MGAT5: variants seen among roughly 807,000 people sequenced by gnomAD.
MGAT5 encodes alpha-1,6-mannosylglycoprotein 6-beta-N-acetylglucosaminyltransferase.
Under a neutral mutation model 94.3 loss-of-function variants are expected in MGAT5, and 30 were observed. The ratio of observed to expected loss-of-function variants is 0.32; its 90% confidence interval spans 0.24 to 0.43. The LOEUF is 0.43. Ranked by LOEUF, MGAT5 falls within the 20% of genes least tolerant of loss-of-function variation. The probability of loss-of-function intolerance (pLI) is 1.00; values close to 1 mark genes in which losing one functional copy is unlikely to be tolerated. For missense variants in MGAT5, 691 were observed against 905.5 expected, an observed-to-expected ratio of 0.76 and a Z score of 3.04; for synonymous variants, 310 against 322.9, an observed-to-expected ratio of 0.96 and a Z score of 0.43.
chr2:134,180,620 C>T (rs1029992615), intron 1 of MGAT5, among the ~76,000 whole-genome samples: 5 of 152,156 alleles, frequency 3.3e-5, no homozygotes, highest in African/African-American at 1.2e-4. Flanking sequence ...TGTTACCATA[C>T]CAAGGCTGGC....
intron 12 of MGAT5, among the ~76,000 whole-genome samples, chr2:134,420,319 G>C (rs1684224562): frequency 5.9e-5 from 9 of 152,152 alleles, no homozygotes; most frequent in Admixed American, 5.2e-4. Context: ...AAAAATGGAA[G>C]TTTTCTGAGT....
chr2:134,289,413 T>G (rs4954125), intron 2 of MGAT5, among the ~76,000 whole-genome samples: 95,642 of 152,056 alleles, frequency 0.63, 31,367 homozygotes, highest in East Asian at 0.75. Flanking sequence ...AGCCAGCTGC[T>G]TCCTGCCAGT....
At chr2:134,360,739 C>G (rs939588075) in intron 9 of MGAT5, among the ~76,000 whole-genome samples, 8 of 152,202 alleles carry the variant, frequency 5.3e-5, no homozygotes, top group African/African-American at 1.9e-4. Flanking sequence ...GGGAGAAAAG[C>G]AACTATCGCC....
At chr2:134,306,141 A>C (rs76083223) in intron 2 of MGAT5, among the ~76,000 whole-genome samples, 1 of 152,170 alleles carries the variant, frequency 6.6e-6, no homozygotes, top group African/African-American at 2.4e-5. Flanking sequence ...AAGTACATAT[A>C]TGATACCCAC....
intron 1 of MGAT5, among the ~76,000 whole-genome samples, chr2:134,178,249 A>G (rs1397258537): frequency 6.6e-6 from 1 of 152,226 alleles, no homozygotes; most frequent in East Asian, 1.9e-4. Context: ...AAACTAGACT[A>G]GGCATTTCTA....
At chr2:134,143,633 G>A (rs1421942663) in intron 1 of MGAT5, among the ~76,000 whole-genome samples, 4 of 152,240 alleles carry the variant, frequency 2.6e-5, no homozygotes, top group African/African-American at 4.8e-5. Flanking sequence ...TAGAGGGGTG[G>A]AAGGGTGGTG....
intron 1 of MGAT5, among the ~76,000 whole-genome samples, chr2:134,155,117 C>T (rs1687414771): frequency 6.6e-6 from 1 of 152,212 alleles, no homozygotes; most frequent in East Asian, 1.9e-4. Context: ...AAACTTTGTT[C>T]ATGGTCAGGA....
intron 2 of MGAT5, among the ~76,000 whole-genome samples, chr2:134,272,959 GCTCTC>G (rs1176781711): frequency 1.3e-5 from 2 of 152,180 alleles, no homozygotes; most frequent in East Asian, 3.9e-4. Context: ...CTCAGTGTCT[GCTCTC>G]AGGCTAATGT....
chr2:134,191,396 G>A (rs1210950891), intron 1 of MGAT5, among the ~76,000 whole-genome samples: 1 of 152,162 alleles, frequency 6.6e-6, no homozygotes, highest in Non-Finnish European at 1.5e-5. Context: ...GTTATCGCGG[G>A]AGCGCGTGGG....
chr2:134,182,339 G>C (rs1688772948), intron 1 of MGAT5, among the ~76,000 whole-genome samples: 1 of 152,188 alleles, frequency 6.6e-6, no homozygotes, highest in Non-Finnish European at 1.5e-5. Context: ...GTGAGAGAAT[G>C]AAAGCAGGCC....
chr2:134,180,894 G>T (rs915616443), intron 1 of MGAT5, among the ~76,000 whole-genome samples: 2 of 152,120 alleles, frequency 1.3e-5, no homozygotes. Context: ...CTTTTCAAGG[G>T]GCACATTTTT....
intron 4 of MGAT5, among the ~76,000 whole-genome samples, chr2:134,330,912 G>C (rs1687930664): frequency 6.6e-6 from 1 of 152,064 alleles, no homozygotes; most frequent in South Asian, 2.1e-4. Context: ...CAAAAGAATA[G>C]AACATTACTA....
chr2:134,301,430 T>C (rs1472470132), intron 2 of MGAT5, among the ~76,000 whole-genome samples: 2 of 152,202 alleles, frequency 1.3e-5, no homozygotes, highest in African/African-American at 4.8e-5. Flanking sequence ...ATAGGAATTA[T>C]AGTGATATCC....
intron 1 of MGAT5, among the ~76,000 whole-genome samples, chr2:134,147,111 TGA>T (rs1686956076): frequency 6.6e-6 from 1 of 152,334 alleles, no homozygotes; most frequent in East Asian, 1.9e-4. Flanking sequence ...TCTTTTTTCC[TGA>T]GAGAGTGATT....
At chr2:134,446,418 C>G (rs1034627324) in intron 15 of MGAT5, among the ~76,000 whole-genome samples, 3 of 151,964 alleles carry the variant, frequency 2.0e-5, no homozygotes, top group African/African-American at 4.8e-5. Flanking sequence ...AAAGCCACAG[C>G]AGCTGCTGTA....
In MGAT5 at chr2:134,317,538, A is replaced by G; in HGVS notation, c.416A>G (p.Asn139Ser). The stretch of plus-strand genomic sequence containing the variant: ...TTTTCATTCTTCACAGATATCATTA[A>G]CGGAGCTCAAGAAAAATGTGTATTG... ...LEKINVADII[N>S]GAQEKCVLPP... Residue 139 changes from asparagine to serine, a missense_variant, in exon 3 of 16, where the codon AAC becomes AGC. Physicochemically the swap from Asn to Ser is conservative, Grantham distance 46 (BLOSUM62 1). Coordinates refer to ENST00000281923, the MANE Select transcript of MGAT5 (RefSeq NM_002410.5). 6.4e-7 allele frequency: 1 copy of G among 1,568,758 alleles called. No individual in the cohort carries two copies. Among genetic ancestry groups the G allele is most frequent in the Non-Finnish European group, 8.6e-7 (1 of 1,159,018 alleles).
rs576971326 is a variant in MGAT5, at chr2:134,344,986, T to G, written c.1034T>G (p.Ile345Ser). Residue 345 changes from isoleucine (I) to serine (S), a missense_variant, in exon 8 of 16, where the codon ATT (isoleucine) becomes AGT (serine). Ile to Ser is a moderately radical substitution (Grantham distance 142, BLOSUM62 -2). Around this residue, in one of 4 missense-constraint regions of MGAT5, gnomAD observed 121 missense variants for 206.1 expected, o/e 0.59. Transcript: ENST00000281923. Reference sequence around the variant, plus strand: ...GGCTGCCCAACTGTAGGAGACAGAATTGTTGAGCTCATTTACATTGATATT... The same window carrying G: ...GGCTGCCCAACTGTAGGAGACAGAAGTGTTGAGCTCATTTACATTGATATT... ...RSGCPTVGDR[I>S]VELIYIDIVG... The G allele has an allele frequency of 6.2e-7, 1 of 1,613,694 alleles. No individual in the cohort carries two copies. The highest frequency in any genetic ancestry group is 8.5e-7 in the Non-Finnish European group (1 of 1,179,716).
chr2:134,390,408 G>T (rs1682329239), intron 10 of MGAT5, among the ~76,000 whole-genome samples: 1 of 152,130 alleles, frequency 6.6e-6, no homozygotes, highest in Non-Finnish European at 1.5e-5. Flanking sequence ...CAACGTGCAG[G>T]TTTGTTACAT....
chr2:134,244,770 G>C (rs1471177917), intron 1 of MGAT5, among the ~76,000 whole-genome samples: 1 of 152,080 alleles, frequency 6.6e-6, no homozygotes, highest in Admixed American at 6.5e-5. Context: ...AGGCAGTTTT[G>C]GCAGTGTTGA....
Sources: gnomAD v4.1 joint callset for allele counts (sites outside exome capture counted in the v4.1 genomes callset) on GRCh38, gnomAD v4.1.1 for gene constraint, gnomAD v4.1.1 regional missense constraint, MANE v1.5 for transcripts, NCBI Gene and HGNC (gene_info 2026-07-23, HGNC 2026-07-21) for gene names.